The following GALNT17 variants were observed in gnomAD, a reference collection of about 807,000 sequenced individuals.
GALNT17 encodes UDP-GalNAc:polypeptide N-acetylgalactosaminyltransferase-like 3.
GALNT17 carries 29 observed loss-of-function variants against 63.7 expected under a neutral mutation model. The ratio of observed to expected loss-of-function variants is 0.46; its 90% CI spans 0.34 to 0.62. The LOEUF is 0.62. Among genes scored for constraint, GALNT17 ranks in the 20% least tolerant of loss-of-function variants. The pLI, the probability that GALNT17 is intolerant of heterozygous loss-of-function variation, is 0.01. For synonymous variants in GALNT17, 305 were observed against 318.3 expected, an observed-to-expected ratio of 0.96 and a Z score of 0.45; for missense variants, 603 against 799.6, an observed-to-expected ratio of 0.75 and a Z score of 2.97.
intron 5 of GALNT17, among the ~76,000 whole-genome samples, chr7:71,476,801 GC>G (rs1296961276): frequency 6.6e-6 from 1 of 152,136 alleles, no homozygotes; most frequent in Non-Finnish European, 1.5e-5. Context: ...TAATGCTGAG[GC>G]CAGGAAACTC....
chr7:71,677,804 C>T lies in GALNT17; in HGVS notation c.1500+498C>T, dbSNP rs186749002. On this transcript the variant is annotated intron_variant, in intron 9 of 10. Coordinates refer to ENST00000333538, the MANE Select transcript of GALNT17 (RefSeq NM_022479.3). ...TGCTGGGATTACAGGCGTGAGCCAC[C>T]GTGCCCGGCCAAGGCTCACAGGTTT... Among the ~76,000 whole-genome samples, 410 of 152,246 alleles carry T rather than the reference C, an allele frequency of 2.7e-3. 3 individuals are homozygous for T. The highest frequency in any genetic ancestry group is 9.0e-3 in the African/African-American group (372 of 41,558).
chr7:71,528,964 G>A (rs930845753), intron 5 of GALNT17, among the ~76,000 whole-genome samples: 6 of 151,938 alleles, frequency 3.9e-5, no homozygotes, highest in Non-Finnish European at 2.9e-5. Flanking sequence ...GTGAAAGCCC[G>A]TCTCTACTAA....
chr7:71,346,152 A>T (rs1792092126), intron 2 of GALNT17, among the ~76,000 whole-genome samples: 1 of 151,960 alleles, frequency 6.6e-6, no homozygotes, highest in Admixed American at 6.6e-5. Flanking sequence ...TGATCGTGCC[A>T]CTGCACCCCA....
intron 1 of GALNT17, among the ~76,000 whole-genome samples, chr7:71,221,931 T>TTTG (rs1789593099): frequency 7.6e-6 from 1 of 132,446 alleles, no homozygotes; most frequent in Non-Finnish European, 1.5e-5. Context: ...TTTTTTTTTT[T>TTTG]GACGAAGTCT....
chr7:71,188,500 CAT>C (rs1335522099), intron 1 of GALNT17, among the ~76,000 whole-genome samples: 7 of 152,110 alleles, frequency 4.6e-5, no homozygotes, highest in Admixed American at 4.6e-4. Context: ...AGCATTTTTT[CAT>C]ATGTCTGTTG....
At chr7:71,671,382 G>C (rs1199607970) in intron 8 of GALNT17, among the ~76,000 whole-genome samples, 2 of 152,158 alleles carry the variant, frequency 1.3e-5, no homozygotes, top group African/African-American at 2.4e-5. Flanking sequence ...CTTTGACTTA[G>C]GAGTATTTAC....
intron 5 of GALNT17, among the ~76,000 whole-genome samples, chr7:71,494,693 T>C (rs557404980): frequency 9.3e-4 from 142 of 152,216 alleles, no homozygotes; most frequent in African/African-American, 3.3e-3. Context: ...AGAAGCTGTA[T>C]TAGTCTGTTC....
In GALNT17 at chr7:71,152,947, A is replaced by G. The variant is rs149065223; in HGVS notation, c.238+19907A>G. Among the ~76,000 whole-genome samples the G allele has an allele frequency of 3.1e-3, 475 of 152,150 alleles. 2 individuals carry two copies. The highest frequency in any genetic ancestry group is 0.011 in the African/African-American group (463 of 41,514). ...GCCCCAGTTCACGTTTTCATTAGAG[A>G]GTAAGTTCACAGGTATTTCTCAGGG... On this transcript the variant is annotated intron_variant, in intron 1 of 10. Transcript: ENST00000333538.
intron 5 of GALNT17, among the ~76,000 whole-genome samples, chr7:71,437,806 C>G (rs1786992702): frequency 6.6e-6 from 1 of 152,160 alleles, no homozygotes; most frequent in Admixed American, 6.5e-5. Flanking sequence ...CCTTGAACTC[C>G]TAGGCTCAAG....
chr7:71,171,781 G>T (rs888886321), intron 1 of GALNT17, among the ~76,000 whole-genome samples: 9 of 152,194 alleles, frequency 5.9e-5, no homozygotes, highest in Admixed American at 3.9e-4. Flanking sequence ...GCTGGGCTTG[G>T]TGATAGCTTT....
At chr7:71,295,079 C>T (rs1297644196) in intron 1 of GALNT17, among the ~76,000 whole-genome samples, 1 of 152,170 alleles carries the variant, frequency 6.6e-6, no homozygotes, top group Non-Finnish European at 1.5e-5. Context: ...AACCTCCCAT[C>T]CCCTCTGAGT....
intron 1 of GALNT17, among the ~76,000 whole-genome samples, chr7:71,141,574 T>C (rs1292260138): frequency 1.3e-5 from 2 of 151,992 alleles, no homozygotes; most frequent in African/African-American, 4.8e-5. Flanking sequence ...AAACTACTTA[T>C]GGGAAGGGCC....
At chr7:71,184,719 C>T (rs1788799033) in intron 1 of GALNT17, among the ~76,000 whole-genome samples, 1 of 152,212 alleles carries the variant, frequency 6.6e-6, no homozygotes, top group South Asian at 2.1e-4. Context: ...TTATTAAAGA[C>T]CCATGTTACA....
In GALNT17 at chr7:71,362,578, G is replaced by A. The variant is rs191882534; in HGVS notation, c.423-25657G>A. Among the ~76,000 whole-genome samples, 12 of 152,250 alleles carry A rather than the reference G, an allele frequency of 7.9e-5. No homozygotes were observed. The East Asian group carries it at 2.3e-3, about 29-fold the overall frequency. Reference sequence around the variant, plus strand: ...ATTGATCCCATTTTGCCTCCTTAATGCCTGTGCACAGGCCTAAGGGAACGC... The same window carrying A: ...ATTGATCCCATTTTGCCTCCTTAATACCTGTGCACAGGCCTAAGGGAACGC... On this transcript the variant is annotated intron_variant, in intron 2 of 10. Transcript: ENST00000333538.
intron 5 of GALNT17, among the ~76,000 whole-genome samples, chr7:71,533,333 C>G (rs1186987330): frequency 6.6e-6 from 1 of 152,186 alleles, no homozygotes; most frequent in African/African-American, 2.4e-5. Context: ...TGATAACAAC[C>G]AAAACATTTC....
chr7:71,423,276 T>A (rs983433047), intron 5 of GALNT17, among the ~76,000 whole-genome samples: 1 of 152,312 alleles, frequency 6.6e-6, no homozygotes, highest in South Asian at 2.1e-4. Flanking sequence ...CCTGCCCCTG[T>A]TGCATATCAA....
intron 2 of GALNT17, among the ~76,000 whole-genome samples, chr7:71,376,690 G>C (rs1040194931): frequency 6.6e-6 from 1 of 151,978 alleles, no homozygotes; most frequent in Middle Eastern, 3.4e-3. Flanking sequence ...AGTGGCCCAC[G>C]CATGTAATCC....
At chr7:71,329,291 G>A (rs1258857534) in intron 1 of GALNT17, among the ~76,000 whole-genome samples, 1 of 152,136 alleles carries the variant, frequency 6.6e-6, no homozygotes, top group Non-Finnish European at 1.5e-5. Context: ...AATCCAGGGC[G>A]AATGAGTAAG....
At chr7:71,284,035 G>C (rs4719098) in intron 1 of GALNT17, 145,555 of 152,368 alleles carry the variant, frequency 0.96, 69,575 homozygotes, top group Non-Finnish European at 0.97. Flanking sequence ...AAAAGCTGGC[G>C]GCAGGGAAGC....
Sources: gnomAD v4.1 joint callset for allele counts (sites outside exome capture counted in the v4.1 genomes callset) on GRCh38, gnomAD v4.1.1 for gene constraint, MANE v1.5 for transcripts, NCBI Gene and HGNC (gene_info 2026-07-23, HGNC 2026-07-21) for gene names.